KAZN: variants seen among roughly 807,000 people sequenced by gnomAD.
The protein encoded by KAZN is kazrin.
KAZN carries 40 observed loss-of-function variants against 87.4 expected under a neutral mutation model. The observed-to-expected ratio is 0.46, with a 90% CI of 0.36 to 0.60. KAZN has a LOEUF of 0.60. Among genes scored for constraint, KAZN ranks in the 20% least tolerant of loss-of-function variants. KAZN has a pLI of 0.00. For missense variants in KAZN, 898 were observed against 1,073.9 expected, an observed-to-expected ratio of 0.84 and a Z score of 2.29; for synonymous variants, 466 against 458.3, an observed-to-expected ratio of 1.02 and a Z score of -0.22.
chr1:14,649,260 G>C (rs1446863639), intron 1 of KAZN, among the ~76,000 whole-genome samples: 1 of 152,212 alleles, frequency 6.6e-6, no homozygotes, highest in East Asian at 1.9e-4. Flanking sequence ...CATTGATAGA[G>C]AACTTGCTTT....
At chr1:14,452,580 T>G (rs140345827) in intron 2 of KAZN, among the ~76,000 whole-genome samples, 3 of 152,276 alleles carry the variant, frequency 2.0e-5, no homozygotes, top group Non-Finnish European at 4.4e-5. Flanking sequence ...AAGTGGCCAT[T>G]TGGCTGAGGC....
At chr1:14,805,800 AT>A (rs1557509144) in intron 1 of KAZN, among the ~76,000 whole-genome samples, 4 of 125,888 alleles carry the variant, frequency 3.2e-5, no homozygotes, top group East Asian at 2.0e-4. Context: ...AATAATAATA[AT>A]AATAAATTAA....
Position 14,395,413 on chromosome 1 carries a change from C to CGTA in KAZN, c.250-203568_250-203566dup, listed in dbSNP as rs1662812872. 2.6e-5 allele frequency among the ~76,000 whole-genome samples: 4 copies of CGTA among 152,150 alleles called. No individual in the cohort carries two copies. The South Asian group carries it at 8.3e-4, about 32-fold the overall frequency. On this transcript the variant is annotated intron_variant, in intron 2 of 16. Coordinates refer to the KAZN transcript ENST00000636203. ...TGGATTTAGGGTCTACTTAAAAAGG[C>CGTA]GTAGGTGCATTCTGTCCTTGGCTGG...
At chr1:15,002,352 C>T (rs1008840124) in intron 2 of KAZN, among the ~76,000 whole-genome samples, 5 of 152,204 alleles carry the variant, frequency 3.3e-5, no homozygotes, top group African/African-American at 4.8e-5. Flanking sequence ...AGCCTGCTGA[C>T]GCTGTTGACT....
chr1:14,426,547 A>C (rs1665736417), intron 2 of KAZN, among the ~76,000 whole-genome samples: 1 of 151,862 alleles, frequency 6.6e-6, no homozygotes, highest in Non-Finnish European at 1.5e-5. Flanking sequence ...AGCTGGCCCA[A>C]CTGCAGTTGC....
At chr1:14,282,526 C>G (rs1240499125) in intron 2 of KAZN, among the ~76,000 whole-genome samples, 1 of 152,186 alleles carries the variant, frequency 6.6e-6, no homozygotes, top group Non-Finnish European at 1.5e-5. Flanking sequence ...CAATGATTCT[C>G]GTTACAGAAT....
chr1:13,937,276 C>A (rs1339453129), intron 1 of KAZN, among the ~76,000 whole-genome samples: 1 of 152,162 alleles, frequency 6.6e-6, no homozygotes, highest in Admixed American at 6.5e-5. Flanking sequence ...GAACTCCCGA[C>A]CTCGTGATCC....
intron 2 of KAZN, among the ~76,000 whole-genome samples, chr1:14,392,485 G>A (rs1375103709): frequency 6.6e-6 from 1 of 152,116 alleles, no homozygotes; most frequent in Non-Finnish European, 1.5e-5. Context: ...ACCAGACCCT[G>A]TGGAGGGTGC....
At chr1:14,872,174 C>G (rs543548489) in intron 1 of KAZN, among the ~76,000 whole-genome samples, 1 of 152,124 alleles carries the variant, frequency 6.6e-6, no homozygotes, top group Non-Finnish European at 1.5e-5. Flanking sequence ...TCAAGACTAG[C>G]CTCTGCTTCA....
chr1:14,604,962 T>C lies in KAZN; in HGVS notation c.226+5739T>C, dbSNP rs80028365. Among the ~76,000 whole-genome samples, 631 of 152,344 alleles carry C rather than the reference T, an allele frequency of 4.1e-3. 5 individuals are homozygous for C. Among genetic ancestry groups the C allele is most frequent in the African/African-American group, 0.015 (604 of 41,582 alleles). On this transcript the variant is annotated intron_variant, in intron 1 of 14. Coordinates refer to ENST00000376030, the MANE Select transcript of KAZN (RefSeq NM_201628.3). ...TCCTCTTCCACCACAGCAAGCGCTA[T>C]GTTACCTTTGTGGGGATGTAAAGGC...
At chr1:14,084,870 A>T (rs2101601308) in intron 1 of KAZN, among the ~76,000 whole-genome samples, 1 of 152,206 alleles carries the variant, frequency 6.6e-6, no homozygotes, top group South Asian at 2.1e-4. Flanking sequence ...CCTAAAACTT[A>T]AAGTATAATA....
At chr1:15,089,292 C>T (rs1385303713) in intron 8 of KAZN, among the ~76,000 whole-genome samples, 1 of 152,126 alleles carries the variant, frequency 6.6e-6, no homozygotes, top group Non-Finnish European at 1.5e-5. Flanking sequence ...AGACACCCCC[C>T]ACCCACCCAC....
At chr1:14,508,971 T>C (rs1277856735) in intron 2 of KAZN, among the ~76,000 whole-genome samples, 3 of 152,218 alleles carry the variant, frequency 2.0e-5, no homozygotes, top group Non-Finnish European at 2.9e-5. Flanking sequence ...ACCACAGCAC[T>C]GTGCAAACAG....
chr1:14,501,678 A>G (rs1670261977), intron 2 of KAZN, among the ~76,000 whole-genome samples: 1 of 152,238 alleles, frequency 6.6e-6, no homozygotes, highest in South Asian at 2.1e-4. Flanking sequence ...TTCCATGATC[A>G]TGAATTGAAA....
At chr1:14,463,344 T>C (rs1256801605) in intron 2 of KAZN, among the ~76,000 whole-genome samples, 2 of 152,286 alleles carry the variant, frequency 1.3e-5, no homozygotes, top group South Asian at 2.1e-4. Flanking sequence ...AGATTCTGTA[T>C]TGGTCAGCAG....
intron 2 of KAZN, among the ~76,000 whole-genome samples, chr1:14,232,525 T>C (rs1043665646): frequency 6.6e-6 from 1 of 152,112 alleles, no homozygotes. Context: ...GCCGACAAGG[T>C]CCCCTTTGTC....
intron 1 of KAZN, among the ~76,000 whole-genome samples, chr1:14,667,060 G>T (rs867303621): frequency 6.6e-6 from 1 of 152,144 alleles, no homozygotes; most frequent in Non-Finnish European, 1.5e-5. Context: ...CCAGGAAGAC[G>T]TCATCTCAAG....
At position 14,946,321 on chromosome 1, in the gene KAZN, C is replaced by CTCT. The variant is rs1491344799; in HGVS notation, c.227-14362_227-14361insCTT. ...TGGACTTCTTTTAAATTCTCTCTCT[C>CTCT]TTTTTTTTTTTTAATTCTCTCTTTT... On this transcript the variant is annotated intron_variant, in intron 1 of 14. Transcript: ENST00000376030. 432 of 119,632 alleles carry CTCT rather than the reference C, an allele frequency of 3.6e-3. 7 individuals carry two copies. The East Asian group carries it at 0.048, about 13-fold the overall frequency. The allele number at this position is 119,632 out of a possible 1,614,324, so 7.4% of individuals were successfully genotyped here.
chr1:14,327,111 C>T (rs1656491150), intron 2 of KAZN, among the ~76,000 whole-genome samples: 1 of 152,156 alleles, frequency 6.6e-6, no homozygotes, highest in South Asian at 2.1e-4. Flanking sequence ...AATGTGTCGG[C>T]TCAAGTTAAC....
Sources: allele counts gnomAD v4.1 joint callset (sites outside exome capture counted in the v4.1 genomes callset), GRCh38; gene constraint gnomAD v4.1.1; transcripts MANE v1.5; gene names NCBI Gene and HGNC (gene_info 2026-07-23, HGNC 2026-07-21).